ITK: variants seen among roughly 807,000 people sequenced by gnomAD.
The protein encoded by ITK is IL2 inducible T cell kinase, also known as tyrosine-protein kinase ITK/TSK.
A neutral mutation model predicts 87.6 loss-of-function variants in ITK; 45 were observed. The observed-to-expected ratio is 0.51, with a 90% CI of 0.40 to 0.66. ITK has a LOEUF of 0.66. Among genes scored for constraint, ITK ranks in the 30% least tolerant of loss-of-function variants. ITK has a pLI of 0.00. For missense variants in ITK, 605 were observed against 766.3 expected, an observed-to-expected ratio of 0.79 and a Z score of 2.48; for synonymous variants, 303 against 273.6, an observed-to-expected ratio of 1.11 and a Z score of -1.06.
chr5:157,213,908 A>T (rs978278422), intron 3 of ITK, among the ~76,000 whole-genome samples: 21 of 152,182 alleles, frequency 1.4e-4, no homozygotes, highest in Admixed American at 4.6e-4. Context: ...TAGTGGGGGA[A>T]ACTGAGGCTC....
At chr5:157,225,205 G>A (rs1256511907) in intron 6 of ITK, among the ~76,000 whole-genome samples, 2 of 151,900 alleles carry the variant, frequency 1.3e-5, no homozygotes, top group East Asian at 3.9e-4. Flanking sequence ...ATGTTGCCCG[G>A]GCTTGTCTCA....
At chr5:157,205,418 AC>A (rs1754059388) in intron 1 of ITK, among the ~76,000 whole-genome samples, 1 of 152,274 alleles carries the variant, frequency 6.6e-6, no homozygotes, top group African/African-American at 2.4e-5. Context: ...ATATTGAAAT[AC>A]AAAATGTAAA....
At chr5:157,209,770 C>A (rs1472400668) in intron 2 of ITK, among the ~76,000 whole-genome samples, 1 of 152,118 alleles carries the variant, frequency 6.6e-6, no homozygotes. Flanking sequence ...TAGCCACTAG[C>A]CACACATGGA....
intron 1 of ITK, among the ~76,000 whole-genome samples, chr5:157,203,146 C>T (rs2113748248): frequency 6.6e-6 from 1 of 152,316 alleles, no homozygotes; most frequent in Non-Finnish European, 1.5e-5. Flanking sequence ...GTCACATCAA[C>T]TGTTCTATTC....
chr5:157,205,050 G>T (rs118134532), intron 1 of ITK, among the ~76,000 whole-genome samples: 2 of 152,122 alleles, frequency 1.3e-5, no homozygotes, highest in East Asian at 1.9e-4. Flanking sequence ...AACCAAGCAC[G>T]CTCATATATC....
chr5:157,232,230 G>T (rs767847794), intron 7 of ITK, 110 bp from the exon 8 acceptor site: 174 of 771,702 alleles, frequency 2.3e-4, no homozygotes, highest in Middle Eastern at 3.6e-4. Flanking sequence ...TTTTTTTAAA[G>T]CACTGGTAGA....
chr5:157,245,025 A>C, intron 13 of ITK: 1 of 174,440 alleles, frequency 5.7e-6, no homozygotes, highest in Admixed American at 5.4e-5. Context: ...GGAGTTCGAG[A>C]CCACCCTGGC....
At chr5:157,225,397 G>T (rs1230926868) in intron 6 of ITK, among the ~76,000 whole-genome samples, 2 of 151,574 alleles carry the variant, frequency 1.3e-5, no homozygotes, top group South Asian at 2.1e-4. Flanking sequence ...TTACCTTCCT[G>T]CTAACAGAGT....
In ITK at chr5:157,217,884, C is replaced by A. The variant is rs752554340; in HGVS notation, c.472C>A (p.Pro158Thr). Residue 158 changes from proline (P) to threonine (T), a missense_variant, in exon 5 of 17, where the codon CCT (proline) becomes ACT (threonine). This residue lies in a region of ITK where 464 missense variants were observed against 578.0 expected (regional missense o/e 0.80). Transcript: ENST00000422843. ...CTTTTCAGCTTCAAAGAAGCCTCTTCCTCCTACTCCTGAAGACAACAGGGT... is the reference window on the plus strand; with the variant it reads ...CTTTTCAGCTTCAAAGAAGCCTCTTACTCCTACTCCTGAAGACAACAGGGT... ...PTKNASKKPLPPTPEDNRRPL... is the reference protein window; with the variant it reads ...PTKNASKKPLTPTPEDNRRPL... 1 of 1,613,950 alleles carries A rather than the reference C, an allele frequency of 6.2e-7. No homozygotes were observed. Among genetic ancestry groups the A allele is most frequent in the Non-Finnish European group, 8.5e-7 (1 of 1,179,942 alleles).
At chr5:157,188,785 T>C (rs1418188568) in intron 1 of ITK, among the ~76,000 whole-genome samples, 1 of 152,176 alleles carries the variant, frequency 6.6e-6, no homozygotes, top group Non-Finnish European at 1.5e-5. Context: ...AATTCTGTTG[T>C]TGATTTATTT....
rs1001542336 is a variant in ITK at position 157,228,366 on chromosome 5, G to A, written c.713+5G>A. On this transcript the variant is annotated splice_donor_5th_base_variant and intron_variant, in intron 7 of 16. Coordinates refer to ENST00000422843, the MANE Select transcript of ITK (RefSeq NM_005546.4). ...AAATAATCTGGAAACCTATGAGTAA[G>A]ATATTTTATTTGTTTTTGGAAAATA... 1 of 1,553,008 alleles carries A rather than the reference G, an allele frequency of 6.4e-7. No homozygotes were observed. The highest frequency in any genetic ancestry group is 1.4e-5 in the African/African-American group (1 of 73,858).
intron 11 of ITK, among the ~76,000 whole-genome samples, 174 bp from the exon 12 acceptor site, chr5:157,243,449 T>C (rs939439287): frequency 6.6e-6 from 1 of 152,248 alleles, no homozygotes; most frequent in Non-Finnish European, 1.5e-5. Flanking sequence ...CATATTTTCA[T>C]AGTTTTCTAG....
chr5:157,208,225 A>C (rs1754120233), intron 1 of ITK, among the ~76,000 whole-genome samples: 1 of 152,256 alleles, frequency 6.6e-6, no homozygotes, highest in South Asian at 2.1e-4. Context: ...AATAGGTAAC[A>C]TGTAACATCA....
intron 1 of ITK, among the ~76,000 whole-genome samples, chr5:157,197,193 A>C (rs990071203): frequency 6.6e-6 from 1 of 152,220 alleles, no homozygotes; most frequent in Non-Finnish European, 1.5e-5. Flanking sequence ...GAAAAAGGCT[A>C]TCCCTCAAGA....
intron 1 of ITK, among the ~76,000 whole-genome samples, chr5:157,182,431 T>G (rs1384860618): frequency 6.6e-6 from 1 of 152,086 alleles, no homozygotes; most frequent in Non-Finnish European, 1.5e-5. Flanking sequence ...ATTAAAAAAA[T>G]ACAGAAAACA....
rs972999696 is a variant in ITK, at chr5:157,248,949, A to T, written c.1733A>T (p.Tyr578Phe). 1 of 1,613,868 alleles carries T rather than the reference A, an allele frequency of 6.2e-7. No homozygotes were observed. The highest frequency in any genetic ancestry group is 8.5e-7 in the Non-Finnish European group (1 of 1,179,854). The change falls in exon 16 of 17, where the codon TAC becomes TTC. Residue 578 changes from tyrosine (Y) to phenylalanine (F), a missense_variant. Tyr to Phe is a conservative substitution (Grantham distance 22). This residue lies in a region of ITK where 71 missense variants were observed against 65.8 expected (regional missense o/e 1.08). Coordinates refer to ENST00000422843, the MANE Select transcript of ITK (RefSeq NM_005546.4). ...GACATCAGTACCGGATTTCGGTTGT[A>T]CAAGCCCCGGCTGGCCTCCACACAC... ...VEDISTGFRL[Y>F]KPRLASTHVY... is the part of the protein sequence containing the mutation.
chr5:157,236,961 G>C lies in ITK; in HGVS notation c.769-1148G>C, dbSNP rs561467761. On this transcript the variant is annotated intron_variant, in intron 8 of 16. Transcript: ENST00000422843. ...ATTAAGAGAATCCTTATACACTGTT[G>C]GTAGGAATGTTCATTAGTTCAGCCC... Among the ~76,000 whole-genome samples the C allele has an allele frequency of 1.2e-4, 19 of 152,260 alleles. No homozygotes were observed. The South Asian group carries it at 3.9e-3, about 32-fold the overall frequency.
intron 1 of ITK, among the ~76,000 whole-genome samples, chr5:157,186,223 G>A (rs1236680818): frequency 6.6e-6 from 1 of 152,156 alleles, no homozygotes; most frequent in Non-Finnish European, 1.5e-5. Context: ...GAAGTCCCCA[G>A]TGTAAAGGAC....
chr5:157,215,301 T>C (rs1005998890), intron 4 of ITK, among the ~76,000 whole-genome samples: 1 of 152,212 alleles, frequency 6.6e-6, no homozygotes, highest in Non-Finnish European at 1.5e-5. Flanking sequence ...TTTTGTGCGC[T>C]AAAACTTAAT....
Sources: gnomAD v4.1 joint callset for allele counts (sites outside exome capture counted in the v4.1 genomes callset) on GRCh38, gnomAD v4.1.1 for gene constraint, gnomAD v4.1.1 regional missense constraint, MANE v1.5 for transcripts, NCBI Gene and HGNC (gene_info 2026-07-23, HGNC 2026-07-21) for gene names.